Variants in PRKN observed in about 807,000 individuals in gnomAD.
PRKN encodes the protein parkin RBR E3 ubiquitin protein ligase.
In PRKN, 56 loss-of-function variants were observed where a neutral mutation model predicts 59.5. The observed-to-expected ratio is 0.94, with a 90% CI of 0.76 to 1.18. The LOEUF (loss-of-function observed/expected upper bound fraction) is 1.18. PRKN is among the 50% of genes most tolerant of loss of function. PRKN has a pLI of 0.00. For synonymous variants in PRKN, 250 were observed against 222.1 expected (o/e 1.13, Z -1.12); for missense variants, 657 against 596.4 (o/e 1.10, Z -1.06).
intron 3 of PRKN, among the ~76,000 whole-genome samples, chr6:162,253,717 T>A (rs1230714676): frequency 6.6e-6 from 1 of 151,710 alleles, no homozygotes; most frequent in Non-Finnish European, 1.5e-5. Context: ...GATGCCACAA[T>A]GGGAGAGTTA....
intron 7 of PRKN, among the ~76,000 whole-genome samples, chr6:161,741,724 G>A (rs952234684): frequency 4.6e-5 from 7 of 150,580 alleles, no homozygotes; most frequent in East Asian, 1.9e-4. Context: ...TCTTTGTCTC[G>A]GGAAGGACGT....
chr6:162,161,278 G>A (rs1782745584), intron 4 of PRKN, among the ~76,000 whole-genome samples: 1 of 152,118 alleles, frequency 6.6e-6, no homozygotes, highest in Non-Finnish European at 1.5e-5. Flanking sequence ...AGAGGACACT[G>A]GAGCAGGAGA....
At chr6:162,218,243 G>A (rs1024397100) in intron 3 of PRKN, among the ~76,000 whole-genome samples, 3 of 152,232 alleles carry the variant, frequency 2.0e-5, no homozygotes, top group Admixed American at 6.5e-5. Context: ...AGGACACTGG[G>A]CAGCAGGAAT....
intron 5 of PRKN, among the ~76,000 whole-genome samples, chr6:162,016,182 G>A (rs560247534): frequency 2.0e-5 from 3 of 152,040 alleles, no homozygotes; most frequent in African/African-American, 2.4e-5. Flanking sequence ...TAGCAAAGGC[G>A]ACACATCTGT....
At chr6:162,248,246 A>G (rs1445916649) in intron 3 of PRKN, among the ~76,000 whole-genome samples, 1 of 152,164 alleles carries the variant, frequency 6.6e-6, no homozygotes, top group Non-Finnish European at 1.5e-5. Context: ...TGGGAAGACC[A>G]AGGAGAGTCA....
intron 2 of PRKN, among the ~76,000 whole-genome samples, chr6:162,421,712 GTC>G (rs1788976634): frequency 6.6e-6 from 1 of 152,112 alleles, no homozygotes; most frequent in South Asian, 2.1e-4. Flanking sequence ...AACAGCAACA[GTC>G]TACTGCAAAC....
chr6:162,641,300 C>A (rs936224859), intron 1 of PRKN, among the ~76,000 whole-genome samples: 2 of 143,652 alleles, frequency 1.4e-5, no homozygotes, highest in Non-Finnish European at 3.1e-5. Context: ...CTTTATGAGG[C>A]CCCCTCAAAA....
In PRKN at chr6:161,377,066, G is replaced by A. The variant is rs1446625360; in HGVS notation, c.1167+9728C>T. Among the ~76,000 whole-genome samples the A allele has an allele frequency of 6.6e-6, 1 of 152,236 alleles. No homozygotes were observed. Among genetic ancestry groups the A allele is most frequent in the East Asian group, 1.9e-4 (1 of 5,192 alleles). ...GCGCCCTGTCTCTGCGGCTGTGCAC[G>A]CAGGCAGACCCTGTGGATTCCAGGT... On this transcript the variant is annotated intron_variant, in intron 10 of 11. Coordinates refer to ENST00000366898, the MANE Select transcript of PRKN (RefSeq NM_004562.3). The surrounding 1 kb of genome is among the most constrained non-coding windows in gnomAD (Gnocchi z 4.2).
At position 161,417,340 on chromosome 6, in the gene PRKN, C is replaced by T. The variant is rs1787898024; in HGVS notation, c.1084-30463G>A. Among the ~76,000 whole-genome samples the T allele has an allele frequency of 6.6e-6, 1 of 151,824 alleles. No homozygotes were observed. Among genetic ancestry groups the T allele is most frequent in the African/African-American group, 2.4e-5 (1 of 41,344 alleles). Reference sequence around the variant, plus strand: ...TGGCGCCTGCCTGTAGTCGCAGCTACTCGGGAGGCTAAGGCAGCAGAATCA... The same window carrying T: ...TGGCGCCTGCCTGTAGTCGCAGCTATTCGGGAGGCTAAGGCAGCAGAATCA... On this transcript the variant is annotated intron_variant, in intron 9 of 11. Coordinates refer to ENST00000366898, the MANE Select transcript of PRKN (RefSeq NM_004562.3). This position sits in a 1 kb window ranked among gnomAD's most constrained non-coding sequence, Gnocchi z 5.4.
chr6:162,000,046 T>C (rs927610445), intron 5 of PRKN, among the ~76,000 whole-genome samples: 2 of 152,148 alleles, frequency 1.3e-5, no homozygotes, highest in Non-Finnish European at 2.9e-5. Flanking sequence ...ATCCATCTAC[T>C]GAAGGACATC....
chr6:162,408,213 G>T (rs889182294), intron 2 of PRKN, among the ~76,000 whole-genome samples: 18 of 151,774 alleles, frequency 1.2e-4, no homozygotes, highest in African/African-American at 4.4e-4. Flanking sequence ...CTACTAGTCG[G>T]GGTACTTACA....
At chr6:161,989,751 C>A (rs1262976926) in intron 5 of PRKN, among the ~76,000 whole-genome samples, 1 of 152,130 alleles carries the variant, frequency 6.6e-6, no homozygotes, top group East Asian at 1.9e-4. Context: ...CTATGAGCAC[C>A]TTCCAGGGCC....
At position 161,448,553 on chromosome 6, in the gene PRKN, C is replaced by T. The variant is rs568531994; in HGVS notation, c.1084-61676G>A. On this transcript the variant is annotated intron_variant, in intron 9 of 11. Coordinates refer to ENST00000366898, the MANE Select transcript of PRKN (RefSeq NM_004562.3). This position sits in a 1 kb window ranked among gnomAD's most constrained non-coding sequence, Gnocchi z 5.1. ...GCGATTCTCTTATCCCAGTTTCTTCCGTCTTTCTTCTCTTCTTTCTCTTTC... is the reference window on the plus strand; with the variant it reads ...GCGATTCTCTTATCCCAGTTTCTTCTGTCTTTCTTCTCTTCTTTCTCTTTC... Among the ~76,000 whole-genome samples, 1 of 152,146 alleles carries T rather than the reference C, an allele frequency of 6.6e-6. No individual in the cohort carries two copies. Among genetic ancestry groups the T allele is most frequent in the Non-Finnish European group, 1.5e-5 (1 of 68,036 alleles).
chr6:162,535,821 T>C (rs1243474325), intron 1 of PRKN, among the ~76,000 whole-genome samples: 4 of 151,600 alleles, frequency 2.6e-5, no homozygotes, highest in African/African-American at 7.3e-5. Context: ...AGTAGGAGGA[T>C]TGCTTGAGCC....
chr6:161,409,400 A>T lies in PRKN; in HGVS notation c.1084-22523T>A, dbSNP rs1223114559. 6.6e-6 allele frequency among the ~76,000 whole-genome samples: 1 copy of T among 152,180 alleles called. No individual in the cohort carries two copies. Among genetic ancestry groups the T allele is most frequent in the East Asian group, 1.9e-4 (1 of 5,198 alleles). On this transcript the variant is annotated intron_variant, in intron 9 of 11. Coordinates refer to ENST00000366898, the MANE Select transcript of PRKN (RefSeq NM_004562.3). This position sits in a 1 kb window ranked among gnomAD's most constrained non-coding sequence, Gnocchi z 4.6. ...TATGTCTCCCTGAGTAGGATTTTCC[A>T]GAAGAAATTACCAAATGGCACACAA... is the stretch of plus-strand genomic sequence containing the variant.
chr6:161,584,080 AC>A lies in PRKN; in HGVS notation c.872-14665del, dbSNP rs1781440144. ...AGTTTCCCAGAGTATTAGAGACACA[AC>A]CCTCCCCTCCTTGGTTGTATGTGTA... On this transcript the variant is annotated intron_variant, in intron 7 of 11. Transcript: ENST00000366898. The surrounding 1 kb of genome is among the most constrained non-coding windows in gnomAD (Gnocchi z 4.8). Among the ~76,000 whole-genome samples, 1 of 151,706 alleles carries A rather than the reference AC, an allele frequency of 6.6e-6. No homozygotes were observed. The highest frequency in any genetic ancestry group is 1.5e-5 in the Non-Finnish European group (1 of 67,956).
chr6:161,746,757 ATC>A (rs1253171865), intron 7 of PRKN, among the ~76,000 whole-genome samples: 12 of 147,328 alleles, frequency 8.1e-5, no homozygotes, highest in Non-Finnish European at 1.2e-4. Flanking sequence ...GCACATATAT[ATC>A]TATATAGATA....
chr6:162,223,572 T>G (rs958923453), intron 3 of PRKN, among the ~76,000 whole-genome samples: 2 of 151,882 alleles, frequency 1.3e-5, no homozygotes, highest in Admixed American at 1.3e-4. Flanking sequence ...TATTGACATC[T>G]ATACGTATGT....
intron 2 of PRKN, among the ~76,000 whole-genome samples, chr6:162,308,472 T>C (rs916355306): frequency 6.6e-6 from 1 of 152,148 alleles, no homozygotes; most frequent in African/African-American, 2.4e-5. Flanking sequence ...TTATTGCTTG[T>C]AGTGAAATTG....
Sources: allele counts gnomAD v4.1 joint callset (sites outside exome capture counted in the v4.1 genomes callset), GRCh38; gene constraint gnomAD v4.1.1; non-coding constraint Gnocchi (gnomAD v3.1); transcripts MANE v1.5; gene names NCBI Gene and HGNC (gene_info 2026-07-23, HGNC 2026-07-21).